SPTA1: variants seen among roughly 807,000 people sequenced by gnomAD.
The protein encoded by SPTA1 is spectrin alpha chain, erythrocytic 1.
In SPTA1, 177 loss-of-function variants were observed where a neutral mutation model predicts 324.7. The observed-to-expected ratio is 0.55, with a 90% CI of 0.48 to 0.62. The LOEUF (loss-of-function observed/expected upper bound fraction) is 0.62, where lower values mean the gene tolerates loss of function less well. Ranked by LOEUF, SPTA1 falls within the 20% of genes least tolerant of loss-of-function variation. SPTA1 has a pLI of 0.00. For missense variants in SPTA1, 3,162 were observed against 2,883.6 expected (o/e 1.10, Z -2.21); for synonymous variants, 1,195 against 1,041.3 (o/e 1.15, Z -2.84).
intron 41 of SPTA1, 53 bp downstream of exon 41, chr1:158,626,786 G>T (rs1650301309): frequency 1.2e-5 from 19 of 1,609,014 alleles, no homozygotes; most frequent in Non-Finnish European, 1.6e-5. Flanking sequence ...CACATGGATG[G>T]GATTTATTAG....
rs981389537 is a variant in SPTA1 at position 158,640,124 on chromosome 1, C to T, written c.4738-117G>A. 4 of 1,273,836 alleles carry T rather than the reference C, an allele frequency of 3.1e-6. No individual in the cohort carries two copies. In the African/African-American group the frequency reaches 4.4e-5, roughly 14 times the overall value. The allele number at this position is 1,273,836 out of a possible 1,614,324, so 78.9% of individuals were successfully genotyped here. A position where few individuals can be genotyped will look rare whatever the true frequency, so the allele number is the denominator to read the frequency against. On this transcript the variant is annotated intron_variant, in intron 33 of 51. Coordinates refer to ENST00000643759, the MANE Select transcript of SPTA1 (RefSeq NM_003126.4). The stretch of plus-strand genomic sequence containing the variant: ...AGGAACTAGCCAAAATTTGCTGATA[C>T]TTGAATATCATACATTTCAAACCAG...
At chr1:158,628,065 A>G (rs1212881035) in intron 39 of SPTA1, among the ~76,000 whole-genome samples, 4 of 152,142 alleles carry the variant, frequency 2.6e-5, no homozygotes, top group Admixed American at 6.6e-5. Context: ...CAATGAAACA[A>G]TGTGTCTAGC....
intron 43 of SPTA1, 95 bp downstream of exon 43, chr1:158,622,888 T>C: frequency 9.0e-7 from 1 of 1,113,416 alleles, no homozygotes; most frequent in Non-Finnish European, 1.4e-6. Flanking sequence ...AAGGTTTTTG[T>C]ATTATCCAAA....
In SPTA1 at chr1:158,614,267, A is replaced by G. The variant is rs574815065; in HGVS notation, c.6828T>C (p.Phe2276=). Residue 2276 remains phenylalanine (F), a synonymous_variant, in exon 49 of 52, where the codon TTT becomes TTC. Transcript: ENST00000643759. ...ATTATACTCACTTATAGATTGTGCTAAATTCCTTTAGAGTCTCTTCACTCA... is the reference window on the plus strand; with the variant it reads ...ATTATACTCACTTATAGATTGTGCTGAATTCCTTTAGAGTCTCTTCACTCA... The part of the protein sequence containing the change: ...KGVSEETLKE[F]STIYKHFDEN... The G allele has an allele frequency of 2.3e-5, 37 of 1,597,898 alleles. No individual in the cohort carries two copies. In the East Asian group the frequency reaches 7.4e-4, roughly 32 times the overall value.
intron 16 of SPTA1, among the ~76,000 whole-genome samples, chr1:158,664,569 T>C (rs1180554035): frequency 2.6e-5 from 4 of 152,144 alleles, no homozygotes; most frequent in Non-Finnish European, 4.4e-5. Context: ...AAAATCTAGA[T>C]GACAGGTTGA....
At position 158,645,642 on chromosome 1, in the gene SPTA1, C is replaced by G. The variant is rs372507807; in HGVS notation, c.3897-48G>C. On this transcript the variant is annotated intron_variant, in intron 27 of 51. Transcript: ENST00000643759. Reference sequence around the variant, plus strand: ...ATTGACAAGAAAACCTTGCAACTTGCTACAGTGCTGTTTGTCCTACAGTTT... The same window carrying G: ...ATTGACAAGAAAACCTTGCAACTTGGTACAGTGCTGTTTGTCCTACAGTTT... The G allele has an allele frequency of 1.9e-6, 3 of 1,586,938 alleles. No homozygotes were observed. In the African/African-American group the frequency reaches 4.0e-5, roughly 21 times the overall value.
chr1:158,685,456 C>A, intron 1 of SPTA1, 109 bp from the exon 2 acceptor site: 1 of 1,482,418 alleles, frequency 6.7e-7, no homozygotes, highest in South Asian at 1.2e-5. Context: ...TTCAGATATC[C>A]TGAAGTTTCT....
chr1:158,629,882 A>C (rs1650564906), intron 39 of SPTA1, among the ~76,000 whole-genome samples: 1 of 151,908 alleles, frequency 6.6e-6, no homozygotes, highest in Non-Finnish European at 1.5e-5. Flanking sequence ...AAATTAAGAA[A>C]ATAATTCCTT....
intron 33 of SPTA1, 46 bp downstream of exon 33, chr1:158,642,365 T>A: frequency 6.3e-7 from 1 of 1,591,398 alleles, no homozygotes; most frequent in Non-Finnish European, 8.6e-7. Flanking sequence ...AGTAAATGAT[T>A]CCTCTTCATG....
At chr1:158,654,926 C>G (rs1652720217) in intron 20 of SPTA1, among the ~76,000 whole-genome samples, 178 bp from the exon 21 acceptor site, 1 of 152,044 alleles carries the variant, frequency 6.6e-6, no homozygotes, top group African/African-American at 2.4e-5. Flanking sequence ...CATTCTGACA[C>G]TTATCGGGGA....
intron 3 of SPTA1, among the ~76,000 whole-genome samples, chr1:158,681,975 C>A (rs1654851151): frequency 6.6e-6 from 1 of 152,042 alleles, no homozygotes; most frequent in Non-Finnish European, 1.5e-5. Context: ...TTGAACTGAG[C>A]CTTATGGAGC....
chr1:158,623,502 G>A (rs1471210768), intron 42 of SPTA1, among the ~76,000 whole-genome samples: 1 of 152,176 alleles, frequency 6.6e-6, no homozygotes, highest in African/African-American at 2.4e-5. Context: ...GAGGGAGCCA[G>A]TGGGAGGTAA....
At chr1:158,677,958 A>C (rs1043064198) in intron 6 of SPTA1, 124 bp from the exon 7 acceptor site, 7 of 1,185,062 alleles carry the variant, frequency 5.9e-6, no homozygotes, top group African/African-American at 1.5e-5. Context: ...TTCTTCCTAC[A>C]TACTAGCAAA....
intron 2 of SPTA1, among the ~76,000 whole-genome samples, chr1:158,684,283 G>C (rs1268619102): frequency 6.6e-6 from 1 of 152,030 alleles, no homozygotes; most frequent in East Asian, 1.9e-4. Context: ...TAGCAATTGA[G>C]TTAACCAGGT....
Position 158,613,794 on chromosome 1 carries a change from A to G in SPTA1, c.6916T>C (p.Tyr2306His), listed in dbSNP as rs1649393446. The G allele has an allele frequency of 6.2e-7, 1 of 1,613,964 alleles. No individual in the cohort carries two copies. The highest frequency in any genetic ancestry group is 8.5e-7 in the Non-Finnish European group (1 of 1,179,882). The change falls in exon 50 of 52, where the codon TAC (tyrosine) becomes CAC (histidine). Residue 2306 changes from tyrosine (Y) to histidine (H), a missense_variant. Physicochemically the swap from Tyr to His is moderately conservative, Grantham distance 83 (BLOSUM62 2). Transcript: ENST00000643759. ...TCATCCTCCTCCACCATGGGCAAGT[A>G]GTAATTGAGTCCTCTCAGGCAGGAC... Reference protein sequence around the residue: ...FRSCLRGLNYYLPMVEEDEHE... With the variant: ...FRSCLRGLNYHLPMVEEDEHE...
intron 29 of SPTA1, 62 bp downstream of exon 29, chr1:158,645,126 A>G: frequency 1.3e-6 from 2 of 1,573,436 alleles, no homozygotes; most frequent in African/African-American, 2.7e-5. Flanking sequence ...TAATGACCAT[A>G]TGAAATTGCA....
At chr1:158,646,541 C>G (rs1050145648) in intron 27 of SPTA1, among the ~76,000 whole-genome samples, 1 of 151,986 alleles carries the variant, frequency 6.6e-6, no homozygotes, top group African/African-American at 2.4e-5. Context: ...AATTAAAAAA[C>G]AAAACTGAAA....
At chr1:158,642,698 G>T in intron 32 of SPTA1, 116 bp downstream of exon 32, 1 of 1,582,544 alleles carries the variant, frequency 6.3e-7, no homozygotes, top group Non-Finnish European at 8.7e-7. Flanking sequence ...TGAAGTCTCT[G>T]AGAGCAGGCA....
chr1:158,680,138 C>T (rs1211716101), intron 5 of SPTA1, among the ~76,000 whole-genome samples: 5 of 152,018 alleles, frequency 3.3e-5, no homozygotes, highest in South Asian at 2.1e-4. Context: ...CTCAATCCTC[C>T]GAAATAATCT....
Sources: gnomAD v4.1 joint callset for allele counts (sites outside exome capture counted in the v4.1 genomes callset) on GRCh38, gnomAD v4.1.1 for gene constraint, MANE v1.5 for transcripts, NCBI Gene and HGNC (gene_info 2026-07-23, HGNC 2026-07-21) for gene names.